ABCG1: variants seen among roughly 807,000 people sequenced by gnomAD.
The protein encoded by ABCG1 is ATP-binding cassette sub-family G member 1.
ABCG1 carries 29 observed loss-of-function variants against 69.2 expected under a neutral mutation model. The ratio of observed to expected loss-of-function variants is 0.42; its 90% CI spans 0.31 to 0.57. The LOEUF (loss-of-function observed/expected upper bound fraction) is 0.57, where lower values mean the gene tolerates loss of function less well. ABCG1 is among the 20% of genes least tolerant of loss of function. The probability of loss-of-function intolerance (pLI) is 0.15; values close to 1 mark genes in which losing one functional copy is unlikely to be tolerated. For synonymous variants in ABCG1, 370 were observed against 374.8 expected, an observed-to-expected ratio of 0.99 and a Z score of 0.15; for missense variants, 718 against 898.1, an observed-to-expected ratio of 0.80 and a Z score of 2.56.
intron 13 of ABCG1, 35 bp from the exon 14 acceptor site, chr21:42,294,507 T>C: frequency 1.1e-5 from 17 of 1,562,002 alleles, no homozygotes; most frequent in Non-Finnish European, 1.5e-5. Context: ...GGCTGCAGGT[T>C]CTGCTACATC....
intron 2 of ABCG1, among the ~76,000 whole-genome samples, chr21:42,247,802 A>G (rs2068155279): frequency 6.6e-6 from 1 of 150,806 alleles, no homozygotes. Flanking sequence ...GCAGGGGAGA[A>G]GAGACAGAGA....
intron 2 of ABCG1, among the ~76,000 whole-genome samples, chr21:42,254,334 T>A (rs1364709536): frequency 6.6e-6 from 1 of 152,208 alleles, no homozygotes; most frequent in African/African-American, 2.4e-5. Context: ...TTAAATCAGC[T>A]GTTCTCCTGG....
chr21:42,252,456 G>A (rs2068237628), intron 2 of ABCG1, among the ~76,000 whole-genome samples: 1 of 152,206 alleles, frequency 6.6e-6, no homozygotes. Flanking sequence ...GTGGGGCTGG[G>A]ATGCCTGAGA....
intron 1 of ABCG1, among the ~76,000 whole-genome samples, chr21:42,221,935 C>A (rs1159552412): frequency 2.0e-5 from 3 of 152,216 alleles, no homozygotes; most frequent in Admixed American, 2.0e-4. Context: ...GCCCAGGATT[C>A]AAACTGCAAT....
chr21:42,265,527 C>T (rs76279872), intron 2 of ABCG1, among the ~76,000 whole-genome samples: 2,350 of 152,234 alleles, frequency 0.015, 48 homozygotes, highest in East Asian at 0.088. Flanking sequence ...GAGGCAGCCA[C>T]GAGTCAAGGA....
chr21:42,231,416 A>C (rs1390636107), intron 2 of ABCG1, among the ~76,000 whole-genome samples: 2 of 152,218 alleles, frequency 1.3e-5, no homozygotes, highest in African/African-American at 4.8e-5. Flanking sequence ...CCTTGCCAAA[A>C]ACCAGGAAGG....
chr21:42,247,453 G>C (rs754300447), intron 2 of ABCG1, among the ~76,000 whole-genome samples: 1 of 152,206 alleles, frequency 6.6e-6, no homozygotes, highest in Admixed American at 6.5e-5. Context: ...GGGGGCACCC[G>C]GTGGAGAACT....
At chr21:42,261,093 T>A (rs1313577179) in intron 2 of ABCG1, among the ~76,000 whole-genome samples, 1 of 152,130 alleles carries the variant, frequency 6.6e-6, no homozygotes, top group Non-Finnish European at 1.5e-5. Context: ...AGTGCTGGGA[T>A]TACAGGCATG....
chr21:42,275,077 G>A (rs1327849105), intron 4 of ABCG1, among the ~76,000 whole-genome samples: 1 of 152,144 alleles, frequency 6.6e-6, no homozygotes, highest in Non-Finnish European at 1.5e-5. Flanking sequence ...TTTCCACCTG[G>A]AGAGACCCTG....
intron 2 of ABCG1, among the ~76,000 whole-genome samples, chr21:42,269,830 G>A (rs1325407454): frequency 6.6e-6 from 1 of 152,206 alleles, no homozygotes; most frequent in Non-Finnish European, 1.5e-5. Flanking sequence ...TGGGGACCGG[G>A]AGAAAGTCTA....
rs934880886 is a variant in ABCG1 at position 42,291,414 on chromosome 21, AG to A, written c.1495-81del. On this transcript the variant is annotated intron_variant, in intron 12 of 14. Transcript: ENST00000398449. This position sits in a 1 kb window ranked among gnomAD's most constrained non-coding sequence, Gnocchi z 6.4. ...GGAGCTCTGGCGGGAGCTGCGGGGA[AG>A]GGCTGGCTGCCCAGGAGCTTTGCTG... is the stretch of plus-strand genomic sequence containing the variant. The A allele has an allele frequency of 6.5e-7, 1 of 1,535,344 alleles. No individual in the cohort carries two copies. The highest frequency in any genetic ancestry group is 1.4e-5 in the African/African-American group (1 of 73,494).
At chr21:42,263,914 A>C (rs987107129) in intron 2 of ABCG1, among the ~76,000 whole-genome samples, 5 of 152,256 alleles carry the variant, frequency 3.3e-5, no homozygotes, top group Non-Finnish European at 5.9e-5. Context: ...CATTTGTGCC[A>C]AGAGCCCTTC....
Position 42,287,868 on chromosome 21 carries a change from C to T in ABCG1, c.974-21C>T. ...TGTCCTTCCTGGAGCCCGGGCTGAC[C>T]CCCGTCTGTGTCTCCTGCAGTCATG... is the stretch of plus-strand genomic sequence containing the variant. On this transcript the variant is annotated intron_variant, in intron 8 of 14. Coordinates refer to ENST00000398449, the MANE Select transcript of ABCG1 (RefSeq NM_016818.3). The surrounding 1 kb of genome is among the most constrained non-coding windows in gnomAD (Gnocchi z 6.2). 2 of 1,540,628 alleles carry T rather than the reference C, an allele frequency of 1.3e-6. No homozygotes were observed. The highest frequency in any genetic ancestry group is 2.3e-5 in the East Asian group (1 of 43,828).
Position 42,283,682 on chromosome 21 carries a change from C to T in ABCG1, c.735-878C>T, listed in dbSNP as rs1033120739. On this transcript the variant is annotated intron_variant, in intron 6 of 14. Coordinates refer to ENST00000398449, the MANE Select transcript of ABCG1 (RefSeq NM_016818.3). ...CCCACCCAAATGAGTGGGGAACCCC[C>T]ACCTCTTTCCCACCTGGACAGTTGT... Among the ~76,000 whole-genome samples the T allele has an allele frequency of 1.3e-4, 16 of 126,912 alleles. 1 individual carries two copies. Among genetic ancestry groups the T allele is most frequent in the South Asian group, 1.2e-3 (5 of 4,128 alleles). 83.3% of individuals were successfully genotyped at this position (126,912 alleles called of 152,430 possible).
At chr21:42,219,102 G>C (rs1204079609), upstream of ABCG1, 24 of 586,214 alleles carry the variant, frequency 4.1e-5, no homozygotes, top group Non-Finnish European at 5.4e-5. This position sits in a 1 kb window ranked among gnomAD's most constrained non-coding sequence, Gnocchi z 5.3. Context: ...GGGCGGGGTC[G>C]GGCGCGCTGG....
chr21:42,220,036 A>G (rs2067698213), intron 1 of ABCG1: 1 of 1,552,528 alleles, frequency 6.4e-7, no homozygotes, highest in East Asian at 2.4e-5. Context: ...TCACTGCTGG[A>G]CACAGTTACT....
At chr21:42,204,831 A>T (rs979517402) in intron 2 of ABCG1, among the ~76,000 whole-genome samples, 12 of 152,166 alleles carry the variant, frequency 7.9e-5, no homozygotes, top group South Asian at 2.1e-4. Flanking sequence ...AGTATTTTTT[A>T]AAAATATTAT....
At chr21:42,212,435 T>A (rs2067597839), upstream of ABCG1, among the ~76,000 whole-genome samples, 1 of 150,582 alleles carries the variant, frequency 6.6e-6, no homozygotes. Flanking sequence ...CTGATAGAAG[T>A]ATGGATGGTA....
chr21:42,292,116 G>GC (rs1470564075), intron 13 of ABCG1, among the ~76,000 whole-genome samples: 7 of 151,724 alleles, frequency 4.6e-5, no homozygotes, highest in African/African-American at 7.3e-5. Flanking sequence ...CGCCCACCCT[G>GC]CCCCCCGACC....
Sources: gnomAD v4.1 joint callset for allele counts (sites outside exome capture counted in the v4.1 genomes callset) on GRCh38, gnomAD v4.1.1 for gene constraint, Gnocchi (gnomAD v3.1) non-coding constraint, MANE v1.5 for transcripts, NCBI Gene and HGNC (gene_info 2026-07-23, HGNC 2026-07-21) for gene names.